PRKN: variants seen among roughly 807,000 people sequenced by gnomAD.
The protein encoded by PRKN is parkin RBR E3 ubiquitin protein ligase.
PRKN carries 56 observed loss-of-function variants against 59.5 expected under a neutral mutation model. The ratio of observed to expected loss-of-function variants is 0.94; its 90% CI spans 0.76 to 1.18. PRKN has a LOEUF of 1.18. Ranked by LOEUF, PRKN falls within the 50% of genes most tolerant of loss-of-function variation. PRKN has a pLI of 0.00. For missense variants in PRKN, 657 were observed against 596.4 expected, an observed-to-expected ratio of 1.10 and a Z score of -1.06; for synonymous variants, 250 against 222.1, an observed-to-expected ratio of 1.13 and a Z score of -1.12.
intron 6 of PRKN, among the ~76,000 whole-genome samples, chr6:161,940,358 G>A (rs1312218696): frequency 1.3e-5 from 2 of 152,166 alleles, no homozygotes; most frequent in East Asian, 3.8e-4. Flanking sequence ...AAAGAAAGAG[G>A]ACAGAGCCAT....
intron 6 of PRKN, among the ~76,000 whole-genome samples, chr6:161,903,411 G>A (rs1376584804): frequency 2.6e-5 from 4 of 152,180 alleles, no homozygotes; most frequent in African/African-American, 9.7e-5. Context: ...AGATGAATAT[G>A]TCTTGACCAA....
chr6:161,873,995 A>T (rs1330111123), intron 6 of PRKN, among the ~76,000 whole-genome samples: 1 of 83,710 alleles, frequency 1.2e-5, no homozygotes, highest in Non-Finnish European at 2.4e-5. Flanking sequence ...TATGTAAAAT[A>T]TAATATATAA....
chr6:162,602,562 C>A (rs763660974), intron 1 of PRKN, among the ~76,000 whole-genome samples: 2 of 152,054 alleles, frequency 1.3e-5, no homozygotes, highest in Non-Finnish European at 2.9e-5. Flanking sequence ...GGACACAGAG[C>A]GGTGTGGGAC....
At position 161,579,507 on chromosome 6, in the gene PRKN, A is replaced by C. The variant is rs370624657; in HGVS notation, c.872-10091T>G. On this transcript the variant is annotated intron_variant, in intron 7 of 11. Coordinates refer to ENST00000366898, the MANE Select transcript of PRKN (RefSeq NM_004562.3). This position sits in a 1 kb window ranked among gnomAD's most constrained non-coding sequence, Gnocchi z 4.2. ...CTTGTGTAATTTATATTTGTACCCT[A>C]TACTTCGCCATAGAGTGTGCTCTGT... 7.5e-4 allele frequency among the ~76,000 whole-genome samples: 115 copies of C among 152,328 alleles called. No individual in the cohort carries two copies. Among genetic ancestry groups the C allele is most frequent in the African/African-American group, 2.6e-3 (110 of 41,562 alleles).
intron 1 of PRKN, among the ~76,000 whole-genome samples, chr6:162,555,757 G>A (rs867446339): frequency 1.3e-5 from 2 of 152,078 alleles, no homozygotes; most frequent in Non-Finnish European, 2.9e-5. Context: ...TTGGGAGGCC[G>A]AGGCAGGTGG....
rs1781386786 is a variant in PRKN at position 161,582,722 on chromosome 6, T to C, written c.872-13306A>G. Among the ~76,000 whole-genome samples, 1 of 152,048 alleles carries C rather than the reference T, an allele frequency of 6.6e-6. No individual in the cohort carries two copies. Among genetic ancestry groups the C allele is most frequent in the Admixed American group, 6.6e-5 (1 of 15,244 alleles). ...GATTACAGGTGTGAGACACTGCGCC[T>C]GGCCTGCAGACTATTATTAATTTTA... On this transcript the variant is annotated intron_variant, in intron 7 of 11. Coordinates refer to ENST00000366898, the MANE Select transcript of PRKN (RefSeq NM_004562.3). This position sits in a 1 kb window ranked among gnomAD's most constrained non-coding sequence, Gnocchi z 4.4.
intron 5 of PRKN, among the ~76,000 whole-genome samples, chr6:162,020,462 A>G (rs1006448993): frequency 6.6e-6 from 1 of 151,438 alleles, no homozygotes; most frequent in African/African-American, 2.4e-5. Context: ...GATACTGAAA[A>G]TATTTTCATT....
intron 4 of PRKN, among the ~76,000 whole-genome samples, chr6:162,098,276 C>T (rs546905982): frequency 1.9e-4 from 29 of 152,220 alleles, no homozygotes; most frequent in Middle Eastern, 3.4e-3. Flanking sequence ...CAGGAATGTC[C>T]GCTTTTCCCA....
chr6:162,497,404 A>T (rs532884231), intron 1 of PRKN, among the ~76,000 whole-genome samples: 10 of 152,238 alleles, frequency 6.6e-5, no homozygotes, highest in Non-Finnish European at 1.5e-4. Context: ...AAGTCTAGAA[A>T]AACATAATTC....
In PRKN at chr6:161,509,087, G is replaced by A. The variant is rs565447497; in HGVS notation, c.1083+39767C>T. On this transcript the variant is annotated intron_variant, in intron 9 of 11. Transcript: ENST00000366898. ...TCGAACTCCTGACCTCAGGTGATCC[G>A]CCAGTCTTGGCCTCCCAAAGTGCTG... Among the ~76,000 whole-genome samples the A allele has an allele frequency of 6.6e-5, 10 of 152,188 alleles. 1 individual carries two copies. The South Asian group carries it at 1.0e-3, about 16-fold the overall frequency.
At chr6:162,493,771 A>G (rs575596918) in intron 1 of PRKN, among the ~76,000 whole-genome samples, 2 of 152,276 alleles carry the variant, frequency 1.3e-5, no homozygotes, top group African/African-American at 2.4e-5. Context: ...CAGAGCCTAG[A>G]TTATCCACTG....
chr6:161,932,670 T>G (rs1038400310), intron 6 of PRKN, among the ~76,000 whole-genome samples: 3 of 152,240 alleles, frequency 2.0e-5, no homozygotes, highest in Non-Finnish European at 4.4e-5. Context: ...GTTTTATGTG[T>G]CTCTGACTTC....
chr6:162,464,541 C>G (rs192367876), intron 1 of PRKN, among the ~76,000 whole-genome samples: 2 of 151,606 alleles, frequency 1.3e-5, no homozygotes, highest in African/African-American at 4.8e-5. Context: ...AATGGCCGGG[C>G]GCAGTGGCTC....
chr6:162,033,971 G>T (rs1783739499), intron 5 of PRKN, among the ~76,000 whole-genome samples: 2 of 152,096 alleles, frequency 1.3e-5, no homozygotes, highest in African/African-American at 4.8e-5. Context: ...CATGGAAGCT[G>T]CCCTTTGATG....
chr6:161,746,642 G>A (rs1196206270), intron 7 of PRKN, among the ~76,000 whole-genome samples: 1 of 140,382 alleles, frequency 7.1e-6, no homozygotes, highest in Non-Finnish European at 1.5e-5. Context: ...ATGTATATAT[G>A]TATATATCTA....
At chr6:161,783,276 TAA>T (rs879313400) in intron 7 of PRKN, among the ~76,000 whole-genome samples, 1 of 144,086 alleles carries the variant, frequency 6.9e-6, no homozygotes, top group African/African-American at 2.5e-5. Flanking sequence ...CATTTGTACT[TAA>T]AAAAAAAAAA....
chr6:162,372,768 T>A (rs113494997), intron 2 of PRKN, among the ~76,000 whole-genome samples: 1 of 152,182 alleles, frequency 6.6e-6, no homozygotes, highest in Non-Finnish European at 1.5e-5. Flanking sequence ...TAAAATTTTT[T>A]AAAATACAGT....
rs148239275 is a variant in PRKN at position 162,579,397 on chromosome 6, C to T, written c.8-135924G>A. 2.4e-3 allele frequency among the ~76,000 whole-genome samples: 371 copies of T among 151,808 alleles called. 3 individuals carry two copies. In the Middle Eastern group the frequency reaches 0.048, roughly 19 times the overall value. ...CTCAACTTCCTTCAGTGGACAAAAT[C>T]TACATGCAACAAGTTCATGCACACA... On this transcript the variant is annotated intron_variant, in intron 1 of 11. Coordinates refer to ENST00000366898, the MANE Select transcript of PRKN (RefSeq NM_004562.3).
At chr6:162,127,917 C>T (rs931088281) in intron 4 of PRKN, among the ~76,000 whole-genome samples, 1 of 152,164 alleles carries the variant, frequency 6.6e-6, no homozygotes, top group African/African-American at 2.4e-5. Flanking sequence ...AGTATGAGAG[C>T]TCTGTACTCC....
Sources: gnomAD v4.1 joint callset for allele counts (sites outside exome capture counted in the v4.1 genomes callset) on GRCh38, gnomAD v4.1.1 for gene constraint, Gnocchi (gnomAD v3.1) non-coding constraint, MANE v1.5 for transcripts, NCBI Gene and HGNC (gene_info 2026-07-23, HGNC 2026-07-21) for gene names.